GDF10: variants seen among roughly 807,000 people sequenced by gnomAD.
The protein encoded by GDF10 is growth differentiation factor 10, also known as growth/differentiation factor 10.
In GDF10, 23 loss-of-function variants were observed where a neutral mutation model predicts 32.1. The observed-to-expected ratio is 0.72, with a 90% confidence interval of 0.52 to 1.02. The LOEUF is 1.02. Among genes scored for constraint, GDF10 ranks in the 50% least tolerant of loss-of-function variants. GDF10 has a pLI of 0.00. For missense variants in GDF10, 764 were observed against 673.9 expected (o/e 1.13, Z -1.48); for synonymous variants, 328 against 303.1 (o/e 1.08, Z -0.85).
rs782072742 is a variant in GDF10, at chr10:47,310,238, G to A, written c.762G>A (p.Ser254=). The A allele has an allele frequency of 1.9e-6, 3 of 1,610,056 alleles. No homozygotes were observed. The highest frequency in any genetic ancestry group is 2.2e-5 in the East Asian group (1 of 44,734). The change falls in exon 2 of 3, where the codon TCG becomes TCA. Residue 254 remains serine, a synonymous_variant. Coordinates refer to ENST00000580279, the MANE Select transcript of GDF10 (RefSeq NM_004962.5). ...TCTATGCCAACGATCTGGCCATCTC[G>A]GAGCCCAACAGCGTGGCAGTGACGC... ...ILVYANDLAI[S]EPNSVAVTLQ... is the part of the protein sequence containing the mutation.
intron 1 of GDF10, among the ~76,000 whole-genome samples, chr10:47,307,670 G>A (rs2607872): frequency 0.79 from 119,751 of 152,218 alleles, 50,738 homozygotes; most frequent in Non-Finnish European, 0.94. Context: ...ATGGAGGTAG[G>A]ACTTATACCC....
chr10:47,309,694 A>T (rs2061035931), intron 1 of GDF10, 102 bp from the exon 2 acceptor site: 2 of 734,426 alleles, frequency 2.7e-6, no homozygotes, highest in Non-Finnish European at 4.7e-6. Flanking sequence ...GATGGTCCTG[A>T]AAGTGTGGAT....
At chr10:47,305,757 T>C (rs942912590) in intron 1 of GDF10, among the ~76,000 whole-genome samples, 3 of 152,140 alleles carry the variant, frequency 2.0e-5, no homozygotes, top group African/African-American at 7.2e-5. Flanking sequence ...CCCACTGCCC[T>C]CAGGAAGGAG....
intron 1 of GDF10, among the ~76,000 whole-genome samples, chr10:47,304,627 A>G (rs35039836): frequency 0.014 from 2,188 of 152,282 alleles, 60 homozygotes; most frequent in African/African-American, 0.049. Context: ...TCCACTATCT[A>G]TATCTCCATT....
chr10:47,301,472 G>A (rs1208902310), intron 1 of GDF10, among the ~76,000 whole-genome samples: 7 of 149,256 alleles, frequency 4.7e-5, no homozygotes, highest in African/African-American at 1.8e-4. Flanking sequence ...GCCCGGGATT[G>A]AGGACTTCCA....
At chr10:47,309,543 TTTG>T (rs1235584842) in intron 1 of GDF10, among the ~76,000 whole-genome samples, 18 of 152,174 alleles carry the variant, frequency 1.2e-4, no homozygotes, top group African/African-American at 2.4e-4. Flanking sequence ...GCTGTTGCTT[TTTG>T]TTGTTGTTGT....
rs1394282192 is a variant in GDF10 at position 47,313,414 on chromosome 10, T to C, written c.*622T>C. On this transcript the variant is annotated 3_prime_UTR_variant, in exon 3 of 3. Coordinates refer to ENST00000580279, the MANE Select transcript of GDF10 (RefSeq NM_004962.5). ...AGATAGTCATGCTGAGTGTGGGTTGTTTAAACATGCATATTGAAATAACAC... is the reference window on the plus strand; with the variant it reads ...AGATAGTCATGCTGAGTGTGGGTTGCTTAAACATGCATATTGAAATAACAC... 1 of 152,628 alleles carries C rather than the reference T, an allele frequency of 6.6e-6. No homozygotes were observed. Among genetic ancestry groups the C allele is most frequent in the Non-Finnish European group, 1.5e-5 (1 of 68,046 alleles). The allele number at this position is 152,628 out of a possible 1,614,324, so 9.5% of individuals were successfully genotyped here.
chr10:47,309,758 G>A lies in GDF10; in HGVS notation c.320-38G>A, dbSNP rs189252816. ...GTGGGAGACCCTCAGGAGCACGAGC[G>A]AGAACTTCACAGCCTGTGGTCTCTC... On this transcript the variant is annotated intron_variant, in intron 1 of 2. Transcript: ENST00000580279. 170 of 1,456,934 alleles carry A rather than the reference G, an allele frequency of 1.2e-4. No individual in the cohort carries two copies. In the Middle Eastern group the frequency reaches 2.3e-3, roughly 20 times the overall value. The allele number at this position is 1,456,934 out of a possible 1,614,324, so 90.3% of individuals were successfully genotyped here. A position where few individuals can be genotyped will look rare whatever the true frequency, so the allele number is the denominator to read the frequency against.
intron 2 of GDF10, among the ~76,000 whole-genome samples, 177 bp from the exon 3 acceptor site, chr10:47,312,424 G>A (rs1480941958): frequency 1.3e-5 from 2 of 152,206 alleles, no homozygotes; most frequent in Admixed American, 6.5e-5. Context: ...TCTGATTTTA[G>A]AGGAACCGTG....
In GDF10 at chr10:47,300,258, A is replaced by G. The variant is rs1310913961; in HGVS notation, c.-394A>G. 4.2e-5 allele frequency: 7 copies of G among 166,694 alleles called. No homozygotes were observed. Among genetic ancestry groups the G allele is most frequent in the African/African-American group, 1.7e-4 (7 of 42,032 alleles). The allele number at this position is 166,694 out of a possible 1,614,324, so 10.3% of individuals were successfully genotyped here. A position where few individuals can be genotyped will look rare whatever the true frequency, so the allele number is the denominator to read the frequency against. On this transcript the variant is annotated 5_prime_UTR_variant, in exon 1 of 3. Coordinates refer to ENST00000580279, the MANE Select transcript of GDF10 (RefSeq NM_004962.5). Reference sequence around the variant, plus strand: ...ACGACCCTGTCAGCTGCAGCCCCAGAGGTCCGGGGCGCGCAGCCGGGTCCC... The same window carrying G: ...ACGACCCTGTCAGCTGCAGCCCCAGGGGTCCGGGGCGCGCAGCCGGGTCCC...
At position 47,300,328 on chromosome 10, in the gene GDF10, C is replaced by G. The variant is rs551889022; in HGVS notation, c.-324C>G. ...GCCCCGCCCCGCCCCTCGAAGCAGC[C>G]GGGCCGGGCGCGCAGTGGGCTACAA... is the stretch of plus-strand genomic sequence containing the variant. On this transcript the variant is annotated 5_prime_UTR_variant, in exon 1 of 3. Coordinates refer to ENST00000580279, the MANE Select transcript of GDF10 (RefSeq NM_004962.5). 268 of 244,588 alleles carry G rather than the reference C, an allele frequency of 1.1e-3. No individual in the cohort carries two copies. Among genetic ancestry groups the G allele is most frequent in the Non-Finnish European group, 1.6e-3 (204 of 128,550 alleles). The allele number at this position is 244,588 out of a possible 1,614,324, so 15.2% of individuals were successfully genotyped here. A position where few individuals can be genotyped will look rare whatever the true frequency, so the allele number is the denominator to read the frequency against.
At position 47,310,444 on chromosome 10, in the gene GDF10, T is replaced by A. The variant is rs2061041307; in HGVS notation, c.968T>A (p.Leu323Gln). 1 of 1,613,244 alleles carries A rather than the reference T, an allele frequency of 6.2e-7. No individual in the cohort carries two copies. Among genetic ancestry groups the A allele is most frequent in the Admixed American group, 1.7e-5 (1 of 59,972 alleles). Reference sequence around the variant, plus strand: ...GCACAGCACTTCCACAAGCACCAGCTGTGGCCCAGCCCCTTCCGGGCGCTG... The same window carrying A: ...GCACAGCACTTCCACAAGCACCAGCAGTGGCCCAGCCCCTTCCGGGCGCTG... ...AHAQHFHKHQLWPSPFRALKP... is the reference protein window; with the variant it reads ...AHAQHFHKHQQWPSPFRALKP... The change falls in exon 2 of 3, where the codon CTG becomes CAG. Residue 323 changes from leucine (L) to glutamine (Q), a missense_variant. Leu to Gln is a moderately radical substitution (Grantham distance 113, BLOSUM62 -2). Transcript: ENST00000580279.
chr10:47,300,895 C>T lies in GDF10; in HGVS notation c.244C>T (p.Leu82Phe), dbSNP rs928336488. Residue 82 changes from leucine (L) to phenylalanine (F), a missense_variant, in exon 1 of 3, where the codon CTC becomes TTC. By Grantham distance (22) the Leu-to-Phe change is conservative (BLOSUM62 0). Coordinates refer to ENST00000580279, the MANE Select transcript of GDF10 (RefSeq NM_004962.5). The part of the protein sequence containing the change: ...QDMVAVHMHR[L>F]YEKYSRQGAR... ...CATGGTCGCTGTCCACATGCACAGG[C>T]TCTATGAGAAGTACAGCCGGCAGGG... 2 of 1,582,258 alleles carry T rather than the reference C, an allele frequency of 1.3e-6. No individual in the cohort carries two copies. Among genetic ancestry groups the T allele is most frequent in the Non-Finnish European group, 1.7e-6 (2 of 1,172,670 alleles).
chr10:47,306,877 C>T (rs2061024946), intron 1 of GDF10, among the ~76,000 whole-genome samples: 1 of 151,950 alleles, frequency 6.6e-6, no homozygotes, highest in African/African-American at 2.4e-5. Context: ...TGGGGTTGGG[C>T]TGTGGATAGG....
chr10:47,311,748 A>T (rs1440478815), intron 2 of GDF10, among the ~76,000 whole-genome samples: 1 of 152,150 alleles, frequency 6.6e-6, no homozygotes, highest in Non-Finnish European at 1.5e-5. Flanking sequence ...TTAGCTTATC[A>T]CCCTGGCTTG....
chr10:47,303,275 G>A (rs1555206973), intron 1 of GDF10, among the ~76,000 whole-genome samples: 1 of 152,110 alleles, frequency 6.6e-6, no homozygotes, highest in Non-Finnish European at 1.5e-5. Context: ...TGCCTCAGTG[G>A]GGCAGCACCT....
rs2061049776 is a variant in GDF10, at chr10:47,312,423, A to G, written c.1246-178A>G. On this transcript the variant is annotated intron_variant, in intron 2 of 2. Coordinates refer to ENST00000580279, the MANE Select transcript of GDF10 (RefSeq NM_004962.5). The stretch of plus-strand genomic sequence containing the variant: ...CGGAACTCAGCGTATGTCTGATTTT[A>G]GAGGAACCGTGTGCCCCGCCTTGGG... Among the ~76,000 whole-genome samples the G allele has an allele frequency of 2.0e-5, 3 of 152,172 alleles. No homozygotes were observed. The South Asian group carries it at 6.2e-4, about 32-fold the overall frequency.
At chr10:47,308,271 G>A (rs2061030323) in intron 1 of GDF10, among the ~76,000 whole-genome samples, 1 of 152,166 alleles carries the variant, frequency 6.6e-6, no homozygotes, top group African/African-American at 2.4e-5. Context: ...CACATGCTTG[G>A]GGAAGCCAGG....
intron 1 of GDF10, among the ~76,000 whole-genome samples, chr10:47,304,565 T>C (rs1341367008): frequency 6.6e-6 from 1 of 152,232 alleles, no homozygotes; most frequent in Non-Finnish European, 1.5e-5. Context: ...GAATTGTTAG[T>C]ATGATATTTT....
Sources: allele counts gnomAD v4.1 joint callset (sites outside exome capture counted in the v4.1 genomes callset), GRCh38; gene constraint gnomAD v4.1.1; transcripts MANE v1.5; gene names NCBI Gene and HGNC (gene_info 2026-07-23, HGNC 2026-07-21).